KCNK10: variants seen among roughly 807,000 people sequenced by gnomAD.
KCNK10 encodes the protein potassium two pore domain channel subfamily K member 10.
Under a neutral mutation model 47.7 loss-of-function variants are expected in KCNK10, and 25 were observed. That is an observed-to-expected ratio of 0.52 (90% CI 0.38 to 0.73). The LOEUF is 0.73. Ranked by LOEUF, KCNK10 falls within the 30% of genes least tolerant of loss-of-function variation. KCNK10 has a pLI of 0.00. For missense variants in KCNK10, 563 were observed against 714.5 expected, an observed-to-expected ratio of 0.79 and a Z score of 2.42; for synonymous variants, 303 against 285.6, an observed-to-expected ratio of 1.06 and a Z score of -0.61.
chr14:88,310,125 T>C (rs2139798353), intron 1 of KCNK10, among the ~76,000 whole-genome samples: 1 of 147,954 alleles, frequency 6.8e-6, no homozygotes, highest in African/African-American at 2.5e-5. Flanking sequence ...CAAGATGTGT[T>C]CTGGAGCTGA....
chr14:88,292,077 G>C (rs1887891528), intron 1 of KCNK10, among the ~76,000 whole-genome samples: 2 of 152,224 alleles, frequency 1.3e-5, no homozygotes, highest in South Asian at 4.1e-4. Context: ...ACTCACAAAA[G>C]CTGGACACCT....
chr14:88,323,266 G>T lies in KCNK10; in HGVS notation c.-468C>A. On this transcript the variant is annotated 5_prime_UTR_variant, in exon 1 of 7. Transcript: ENST00000319231. Reference sequence around the variant, plus strand: ...CCCGCACACACACTCCCGGGCGCGCGCTTGGGCGGGCACGTCAGCCTCGCT... The same window carrying T: ...CCCGCACACACACTCCCGGGCGCGCTCTTGGGCGGGCACGTCAGCCTCGCT... The T allele has an allele frequency of 1.0e-6, 1 of 986,200 alleles. No homozygotes were observed. The highest frequency in any genetic ancestry group is 1.2e-6 in the Non-Finnish European group (1 of 830,720). 61.1% of individuals were successfully genotyped at this position (986,200 alleles called of 1,614,324 possible).
chr14:88,290,858 A>T (rs181489132), intron 1 of KCNK10, among the ~76,000 whole-genome samples: 2 of 152,328 alleles, frequency 1.3e-5, no homozygotes, highest in Admixed American at 1.3e-4. Context: ...AGACCTTTTC[A>T]TTCACAAAAA....
chr14:88,195,362 C>T (rs1286958712), intron 4 of KCNK10, among the ~76,000 whole-genome samples: 1 of 152,208 alleles, frequency 6.6e-6, no homozygotes, highest in Admixed American at 6.5e-5. Context: ...TGTGCAAACA[C>T]TTAGCACAGT....
intron 3 of KCNK10, among the ~76,000 whole-genome samples, chr14:88,239,575 T>C (rs1338500724): frequency 6.6e-6 from 1 of 152,176 alleles, no homozygotes; most frequent in Non-Finnish European, 1.5e-5. Flanking sequence ...AGTTAACCCC[T>C]AGGCCAGGTG....
chr14:88,246,059 T>C (rs910941604), intron 2 of KCNK10, among the ~76,000 whole-genome samples: 1 of 151,898 alleles, frequency 6.6e-6, no homozygotes, highest in Admixed American at 6.6e-5. Context: ...TGGAAAGTGG[T>C]TTCTAAAATG....
intron 4 of KCNK10, among the ~76,000 whole-genome samples, chr14:88,211,972 C>T (rs1332928468): frequency 6.6e-6 from 1 of 151,538 alleles, no homozygotes; most frequent in Non-Finnish European, 1.5e-5. Context: ...AAAAGAAAGC[C>T]CAGAATGTCA....
At chr14:88,269,016 T>C (rs1014559846) in intron 1 of KCNK10, among the ~76,000 whole-genome samples, 15 of 152,282 alleles carry the variant, frequency 9.9e-5, no homozygotes, top group Admixed American at 9.8e-4. Flanking sequence ...CATGCACCTG[T>C]AGTCCCAGCT....
chr14:88,314,782 C>T lies in KCNK10; in HGVS notation c.52+7965G>A, dbSNP rs370698903. On this transcript the variant is annotated intron_variant, in intron 1 of 6. Transcript: ENST00000319231. Reference sequence around the variant, plus strand: ...CACAAGGCAGGTACCACTCATGGAGCCTTCATGATGATCCGGCATTCTTCT... The same window carrying T: ...CACAAGGCAGGTACCACTCATGGAGTCTTCATGATGATCCGGCATTCTTCT... 4.6e-5 allele frequency among the ~76,000 whole-genome samples: 7 copies of T among 152,292 alleles called. No individual in the cohort carries two copies. In the East Asian group the frequency reaches 5.8e-4, roughly 13 times the overall value.
In KCNK10 at chr14:88,181,153, A is replaced by C; in HGVS notation, c.*4382T>G. The C allele has an allele frequency of 4.2e-6, 1 of 237,162 alleles. No individual in the cohort carries two copies. The highest frequency in any genetic ancestry group is 8.1e-6 in the Non-Finnish European group (1 of 123,888). 14.7% of individuals were successfully genotyped at this position (237,162 alleles called of 1,614,324 possible). A position where few individuals can be genotyped will look rare whatever the true frequency, so the allele number is the denominator to read the frequency against. ...CCGTGGTTCAGAAACCCTGGTACAC[A>C]CTGGATGCTTCATATTCTCACCAAA... On this transcript the variant is annotated 3_prime_UTR_variant, in exon 7 of 7. Transcript: ENST00000319231.
At chr14:88,268,528 A>T (rs901948763) in intron 1 of KCNK10, among the ~76,000 whole-genome samples, 10 of 152,246 alleles carry the variant, frequency 6.6e-5, no homozygotes, top group African/African-American at 2.4e-4. Flanking sequence ...CTTCAAAGTC[A>T]GTTCTGCAGA....
At chr14:88,219,241 A>G (rs1419928262) in intron 4 of KCNK10, among the ~76,000 whole-genome samples, 2 of 152,212 alleles carry the variant, frequency 1.3e-5, no homozygotes, top group African/African-American at 4.8e-5. Flanking sequence ...GCATATGAAC[A>G]TGACTATACC....
chr14:88,217,063 A>T (rs904125653), intron 4 of KCNK10, among the ~76,000 whole-genome samples: 1 of 152,230 alleles, frequency 6.6e-6, no homozygotes, highest in African/African-American at 2.4e-5. Context: ...AGGCTGAGGC[A>T]GGAGAGTCGC....
At chr14:88,187,905 C>G (rs751138519) in intron 6 of KCNK10, 62 bp downstream of exon 6, 9 of 1,588,742 alleles carry the variant, frequency 5.7e-6, no homozygotes, top group Middle Eastern at 1.8e-4. Context: ...CAGAGACAGG[C>G]AATTCTGGAC....
chr14:88,194,207 C>T (rs933899131), intron 4 of KCNK10, among the ~76,000 whole-genome samples: 4 of 152,078 alleles, frequency 2.6e-5, no homozygotes, highest in South Asian at 2.1e-4. Flanking sequence ...ATGAAAGTGT[C>T]GTAACAAGAT....
intron 4 of KCNK10, among the ~76,000 whole-genome samples, chr14:88,205,784 C>A (rs981881259): frequency 6.6e-6 from 1 of 151,998 alleles, no homozygotes; most frequent in Non-Finnish European, 1.5e-5. Flanking sequence ...CCTCATGATC[C>A]GCCCACATTG....
At chr14:88,258,196 T>C (rs990655405) in intron 2 of KCNK10, among the ~76,000 whole-genome samples, 2 of 152,176 alleles carry the variant, frequency 1.3e-5, no homozygotes, top group African/African-American at 4.8e-5. Flanking sequence ...TTCAAAGCCT[T>C]TCTCATGAAT....
intron 4 of KCNK10, among the ~76,000 whole-genome samples, chr14:88,215,601 A>C (rs1371408821): frequency 6.6e-6 from 1 of 152,162 alleles, no homozygotes; most frequent in African/African-American, 2.4e-5. Flanking sequence ...GTATTATCTC[A>C]ACAAAATCCT....
chr14:88,207,327 C>G (rs963607469), intron 4 of KCNK10, among the ~76,000 whole-genome samples: 4 of 152,048 alleles, frequency 2.6e-5, no homozygotes, highest in South Asian at 4.1e-4. Flanking sequence ...GGCCCGCCAT[C>G]GCGCCCGGCT....
Sources: allele counts gnomAD v4.1 joint callset (sites outside exome capture counted in the v4.1 genomes callset), GRCh38; gene constraint gnomAD v4.1.1; transcripts MANE v1.5; gene names NCBI Gene and HGNC (gene_info 2026-07-23, HGNC 2026-07-21).